The following PPARGC1A variants were observed in gnomAD, a reference collection of about 807,000 sequenced individuals.
The protein encoded by PPARGC1A is PPARG coactivator 1 alpha.
Under a neutral mutation model 88.7 loss-of-function variants are expected in PPARGC1A, and 25 were observed. The ratio of observed to expected loss-of-function variants is 0.28; its 90% confidence interval spans 0.21 to 0.39. The LOEUF is 0.39. Among genes scored for constraint, PPARGC1A ranks in the 10% least tolerant of loss-of-function variants. The probability of loss-of-function intolerance (pLI) is 1.00; values close to 1 mark genes in which losing one functional copy is unlikely to be tolerated. For missense variants in PPARGC1A, 880 were observed against 968.7 expected (o/e 0.91, Z 1.22); for synonymous variants, 363 against 355.6 (o/e 1.02, Z -0.24).
chr4:24,136,853 C>T, the PPARGC1A span, among the ~76,000 whole-genome samples: 3 of 152,172 alleles, frequency 2.0e-5, no homozygotes, highest in East Asian at 1.9e-4. Flanking sequence ...CAGTGGCTCA[C>T]GCCTGTAATC....
At chr4:23,920,541 C>G in the PPARGC1A span, among the ~76,000 whole-genome samples, 1 of 152,132 alleles carries the variant, frequency 6.6e-6, no homozygotes. Context: ...CATGACAGGG[C>G]CAGCAAATGC....
chr4:24,075,251 C>A, the PPARGC1A span, among the ~76,000 whole-genome samples: 1 of 152,118 alleles, frequency 6.6e-6, no homozygotes, highest in Non-Finnish European at 1.5e-5. Context: ...GTAGATCAAG[C>A]AATCTGCCAT....
At chr4:24,062,356 C>T in the PPARGC1A span, among the ~76,000 whole-genome samples, 3 of 152,098 alleles carry the variant, frequency 2.0e-5, no homozygotes, top group African/African-American at 7.2e-5. Flanking sequence ...TTTTGTTTAC[C>T]CGTAAATGAA....
the PPARGC1A span, among the ~76,000 whole-genome samples, chr4:23,925,120 T>C: frequency 3.9e-5 from 6 of 152,352 alleles, no homozygotes; most frequent in East Asian, 1.2e-3. Flanking sequence ...AAGCATTTTG[T>C]TTTTAATTAA....
chr4:24,401,309 C>G, the PPARGC1A span, among the ~76,000 whole-genome samples: 2 of 152,066 alleles, frequency 1.3e-5, no homozygotes, highest in African/African-American at 4.8e-5. Context: ...TGAGCCACTG[C>G]GCCCGGCCAT....
In PPARGC1A at chr4:23,814,055, G is replaced by A. The variant is rs61743310; in HGVS notation, c.1428C>T (p.Asp476=). 1,799 of 1,613,946 alleles carry A rather than the reference G, an allele frequency of 1.1e-3. 15 individuals carry two copies. In the African/African-American group the frequency reaches 0.017, roughly 16 times the overall value. Residue 476 remains aspartate, a synonymous_variant, in exon 8 of 13, where the codon GAC becomes GAT. Coordinates refer to ENST00000264867, the MANE Select transcript of PPARGC1A (RefSeq NM_013261.5). The stretch of plus-strand genomic sequence containing the variant: ...TCAGTTCACCGGTCTTGTCTGCTTC[G>A]TCGTCAAAAACAGCTTGACTGGGAT... ...FGHPSQAVFD[D]EADKTGELRD...
intron 5 of PPARGC1A, 110 bp downstream of exon 5, chr4:23,828,288 CAG>C: frequency 8.9e-7 from 1 of 1,126,024 alleles, no homozygotes; most frequent in Non-Finnish European, 1.3e-6. Flanking sequence ...TCTCTTTCCA[CAG>C]AGTGACGCTG....
chr4:24,224,100 GAC>G, the PPARGC1A span, among the ~76,000 whole-genome samples: 2 of 152,146 alleles, frequency 1.3e-5, no homozygotes, highest in Non-Finnish European at 2.9e-5. Context: ...GAAGGGGCAC[GAC>G]AGTGTCGTTA....
the PPARGC1A span, among the ~76,000 whole-genome samples, chr4:24,164,735 A>C: frequency 3.3e-5 from 5 of 152,214 alleles, no homozygotes; most frequent in South Asian, 1.0e-3. Context: ...CATAGCTTGC[A>C]GCACATGGGA....
At chr4:24,171,963 C>A in the PPARGC1A span, among the ~76,000 whole-genome samples, 1 of 152,148 alleles carries the variant, frequency 6.6e-6, no homozygotes, top group Non-Finnish European at 1.5e-5. Context: ...CTTTTCTGCA[C>A]CAAGCCTAGC....
At chr4:24,297,645 TTCA>T in the PPARGC1A span, among the ~76,000 whole-genome samples, 2 of 152,134 alleles carry the variant, frequency 1.3e-5, no homozygotes, top group African/African-American at 4.8e-5. Flanking sequence ...AAAATAACAC[TTCA>T]TCAGGAGCTT....
chr4:24,066,081 G>A, the PPARGC1A span, among the ~76,000 whole-genome samples: 9 of 151,644 alleles, frequency 5.9e-5, no homozygotes, highest in South Asian at 2.1e-4. Flanking sequence ...TTTGCCTTCC[G>A]TCTCCTTGGG....
chr4:24,124,533 G>T, the PPARGC1A span, among the ~76,000 whole-genome samples: 1 of 152,178 alleles, frequency 6.6e-6, no homozygotes, highest in Non-Finnish European at 1.5e-5. Context: ...TGTCATTTCA[G>T]AGCAGCGTGG....
chr4:24,112,927 A>G, the PPARGC1A span, among the ~76,000 whole-genome samples: 3 of 152,216 alleles, frequency 2.0e-5, no homozygotes, highest in Admixed American at 2.0e-4. Context: ...GAAGCTGTCA[A>G]AAACAACTCC....
the PPARGC1A span, among the ~76,000 whole-genome samples, chr4:24,080,821 C>G: frequency 1.3e-5 from 2 of 152,060 alleles, no homozygotes; most frequent in Admixed American, 1.3e-4. Flanking sequence ...AGGATTTCAA[C>G]GCCACATTGA....
the PPARGC1A span, among the ~76,000 whole-genome samples, chr4:24,061,035 T>C: frequency 8.6e-5 from 13 of 151,754 alleles, no homozygotes; most frequent in South Asian, 2.5e-3. Flanking sequence ...CCTCATGGCA[T>C]AAACATCTTT....
chr4:24,091,195 T>C, the PPARGC1A span, among the ~76,000 whole-genome samples: 1 of 152,254 alleles, frequency 6.6e-6, no homozygotes, highest in South Asian at 2.1e-4. Flanking sequence ...CTGCAACTTG[T>C]TAATTCAAGA....
chr4:23,870,946 T>C (rs1351649621), intron 2 of PPARGC1A, among the ~76,000 whole-genome samples: 1 of 151,968 alleles, frequency 6.6e-6, no homozygotes, highest in Non-Finnish European at 1.5e-5. Flanking sequence ...GTGTTTTTTT[T>C]TTTTTTTCTT....
chr4:24,308,900 A>G, the PPARGC1A span, among the ~76,000 whole-genome samples: 61 of 152,302 alleles, frequency 4.0e-4, no homozygotes, highest in African/African-American at 1.3e-3. Flanking sequence ...CTCAAAGGAG[A>G]TTGATACAAA....
Sources: gnomAD v4.1 joint callset for allele counts (sites outside exome capture counted in the v4.1 genomes callset) on GRCh38, gnomAD v4.1.1 for gene constraint, MANE v1.5 for transcripts, NCBI Gene and HGNC (gene_info 2026-07-23, HGNC 2026-07-21) for gene names.